The following GLCCI1 variants were observed in gnomAD, a reference collection of about 807,000 sequenced individuals.
The protein encoded by GLCCI1 is glucocorticoid-induced transcript 1 protein.
GLCCI1 carries 24 observed loss-of-function variants against 52.2 expected under a neutral mutation model. The observed-to-expected ratio is 0.46, with a 90% confidence interval of 0.33 to 0.65. GLCCI1 has a LOEUF of 0.65. Ranked by LOEUF, GLCCI1 falls within the 30% of genes least tolerant of loss-of-function variation. The pLI, the probability that GLCCI1 is intolerant of heterozygous loss-of-function variation, is 0.02. For synonymous variants in GLCCI1, 310 were observed against 276.5 expected (o/e 1.12, Z -1.20); for missense variants, 704 against 701.5 (o/e 1.00, Z -0.04).
chr7:8,061,303 T>C (rs1467030363), intron 5 of GLCCI1, among the ~76,000 whole-genome samples: 1 of 152,152 alleles, frequency 6.6e-6, no homozygotes, highest in Non-Finnish European at 1.5e-5. Context: ...GGTTTTGCCA[T>C]GTTAGCCAGG....
At chr7:7,987,632 G>A (rs968865308) in intron 1 of GLCCI1, among the ~76,000 whole-genome samples, 2 of 152,186 alleles carry the variant, frequency 1.3e-5, no homozygotes, top group Non-Finnish European at 2.9e-5. Flanking sequence ...CTGTTGCCCA[G>A]ACTGGAGTGT....
intron 2 of GLCCI1, among the ~76,000 whole-genome samples, chr7:8,015,595 T>C (rs1166429643): frequency 6.6e-6 from 1 of 152,238 alleles, no homozygotes; most frequent in Non-Finnish European, 1.5e-5. Flanking sequence ...CAGAGGATTG[T>C]AGAATCCTAG....
chr7:8,023,572 T>C (rs1781541611), intron 3 of GLCCI1, among the ~76,000 whole-genome samples: 2 of 148,654 alleles, frequency 1.3e-5, no homozygotes, highest in African/African-American at 2.5e-5. Context: ...AAGATGGTCA[T>C]CTAATCTCTG....
At chr7:8,018,470 A>T (rs989465444) in intron 2 of GLCCI1, among the ~76,000 whole-genome samples, 1 of 152,136 alleles carries the variant, frequency 6.6e-6, no homozygotes, top group African/African-American at 2.4e-5. Flanking sequence ...GCCAAAAATA[A>T]TTTTTCTAAT....
At chr7:8,053,315 G>GTTTT (rs71014751) in intron 3 of GLCCI1, among the ~76,000 whole-genome samples, 8 of 129,970 alleles carry the variant, frequency 6.2e-5, no homozygotes, top group Admixed American at 1.5e-4. Flanking sequence ...TTTTGTTTTC[G>GTTTT]TTTTTTTTTT....
chr7:8,032,045 A>G (rs1781762932), intron 3 of GLCCI1, among the ~76,000 whole-genome samples: 1 of 152,100 alleles, frequency 6.6e-6, no homozygotes, highest in African/African-American at 2.4e-5. Flanking sequence ...CAGCAAGGTG[A>G]TAGAAGACTT....
chr7:8,035,012 G>A (rs1002649536), intron 3 of GLCCI1, among the ~76,000 whole-genome samples: 1 of 152,148 alleles, frequency 6.6e-6, no homozygotes, highest in African/African-American at 2.4e-5. Flanking sequence ...CCTGTTGAAG[G>A]ACTGAGTCCT....
In GLCCI1 at chr7:8,022,561, C is replaced by A; in HGVS notation, c.688C>A (p.Leu230Ile). ...TGCGTCATGGGGGAGTGCTGATCAA[C>A]TAAAAGAGGTAAGTTATTTCTGTTT... ...RSASWGSADQ[L>I]KEQIAKLRQQ... The change falls in exon 3 of 8, where the codon CTA (leucine) becomes ATA (isoleucine). Residue 230 changes from leucine to isoleucine, a missense_variant. Physicochemically the swap from Leu to Ile is conservative, Grantham distance 5 (BLOSUM62 2). Coordinates refer to ENST00000223145, the MANE Select transcript of GLCCI1 (RefSeq NM_138426.4). 3.8e-6 allele frequency: 6 copies of A among 1,564,364 alleles called. No homozygotes were observed. The highest frequency in any genetic ancestry group is 4.8e-5 in the East Asian group (2 of 41,976).
chr7:8,061,618 C>T (rs988684050), intron 5 of GLCCI1, among the ~76,000 whole-genome samples: 3 of 144,834 alleles, frequency 2.1e-5, no homozygotes, highest in East Asian at 2.1e-4. Context: ...CATCAAGGAA[C>T]TCTTTGGACA....
chr7:7,972,002 T>A lies in GLCCI1; in HGVS notation c.457+2195T>A, dbSNP rs534703762. On this transcript the variant is annotated intron_variant, in intron 1 of 7. Coordinates refer to ENST00000223145, the MANE Select transcript of GLCCI1 (RefSeq NM_138426.4). ...CCCAGTTCCGTGATTATATTACTCCTATGTTACTTCTCCATGTCCCGCCTT... is the reference window on the plus strand; with the variant it reads ...CCCAGTTCCGTGATTATATTACTCCAATGTTACTTCTCCATGTCCCGCCTT... Among the ~76,000 whole-genome samples the A allele has an allele frequency of 2.0e-5, 3 of 152,350 alleles. No homozygotes were observed. The East Asian group carries it at 5.8e-4, about 29-fold the overall frequency.
intron 2 of GLCCI1, among the ~76,000 whole-genome samples, chr7:8,004,447 G>T (rs1269221917): frequency 6.6e-6 from 1 of 152,120 alleles, no homozygotes; most frequent in African/African-American, 2.4e-5. Flanking sequence ...ATCTATGTTG[G>T]AGAATTTATT....
At chr7:8,082,128 A>G (rs555218933) in intron 6 of GLCCI1, among the ~76,000 whole-genome samples, 2 of 152,210 alleles carry the variant, frequency 1.3e-5, no homozygotes, top group African/African-American at 4.8e-5. Context: ...ATTTATATTT[A>G]TAATGTTGTT....
Position 7,994,193 on chromosome 7 carries a change from A to G in GLCCI1, c.458-9715A>G, listed in dbSNP as rs142736782. Among the ~76,000 whole-genome samples, 1,063 of 152,220 alleles carry G rather than the reference A, an allele frequency of 7.0e-3. 26 individuals carry two copies. The highest frequency in any genetic ancestry group is 2.3e-3 in the Non-Finnish European group (157 of 67,996). ...CACTTGAATCTGGGAGGCAGAGGTT[A>G]CAGTGAGCTGAGATCACACCACTGC... On this transcript the variant is annotated intron_variant, in intron 1 of 7. Coordinates refer to ENST00000223145, the MANE Select transcript of GLCCI1 (RefSeq NM_138426.4).
chr7:7,975,771 A>G (rs1471108860), intron 1 of GLCCI1, among the ~76,000 whole-genome samples: 4 of 152,086 alleles, frequency 2.6e-5, no homozygotes, highest in Admixed American at 2.6e-4. Context: ...AGAGACAGAG[A>G]GAATGTGTGT....
chr7:8,072,083 TAGA>T (rs905319490), intron 6 of GLCCI1, among the ~76,000 whole-genome samples: 1 of 152,172 alleles, frequency 6.6e-6, no homozygotes, highest in Non-Finnish European at 1.5e-5. Flanking sequence ...AGTATAGATA[TAGA>T]AGATTTTTAT....
At chr7:8,046,036 TAAG>T (rs913511314) in intron 3 of GLCCI1, among the ~76,000 whole-genome samples, 26 of 150,742 alleles carry the variant, frequency 1.7e-4, no homozygotes, top group African/African-American at 5.4e-4. Flanking sequence ...TAGAAGTAAA[TAAG>T]AACAGGTGGA....
rs138240699 is a variant in GLCCI1, at chr7:8,007,046, T to C, written c.609+2987T>C. Among the ~76,000 whole-genome samples, 172 of 152,304 alleles carry C rather than the reference T, an allele frequency of 1.1e-3. 1 individual carries two copies. The highest frequency in any genetic ancestry group is 3.8e-3 in the African/African-American group (158 of 41,566). On this transcript the variant is annotated intron_variant, in intron 2 of 7. Transcript: ENST00000223145. Reference sequence around the variant, plus strand: ...GCCAGGCATGGGCTCATAACGTCCATGCTCTTTGCTCCCAAGGTCTCTTAT... The same window carrying C: ...GCCAGGCATGGGCTCATAACGTCCACGCTCTTTGCTCCCAAGGTCTCTTAT...
chr7:7,982,279 A>G (rs1780639282), intron 1 of GLCCI1: 1 of 200,580 alleles, frequency 5.0e-6, no homozygotes, highest in South Asian at 9.3e-5. Flanking sequence ...ACCCTTGTCT[A>G]ACTTAGAGTG....
Position 8,071,088 on chromosome 7 carries a change from T to A in GLCCI1, c.1134T>A (p.Gly378=). 1 of 1,614,206 alleles carries A rather than the reference T, an allele frequency of 6.2e-7. No homozygotes were observed. Among genetic ancestry groups the A allele is most frequent in the South Asian group, 1.1e-5 (1 of 91,086 alleles). Residue 378 remains glycine (G), a synonymous_variant, in exon 6 of 8, where the codon GGT becomes GGA. Coordinates refer to ENST00000223145, the MANE Select transcript of GLCCI1 (RefSeq NM_138426.4). ...TTTGTCCCCCGGAATCCCAGGATGG[T>A]AGCCCTTGCTCAACAGAAGATTTGC... is the stretch of plus-strand genomic sequence containing the variant. ...SPFCPPESQD[G]SPCSTEDLLY... is the part of the protein sequence containing the mutation.
Sources: gnomAD v4.1 joint callset for allele counts (sites outside exome capture counted in the v4.1 genomes callset) on GRCh38, gnomAD v4.1.1 for gene constraint, MANE v1.5 for transcripts, NCBI Gene and HGNC (gene_info 2026-07-23, HGNC 2026-07-21) for gene names.